The following RPTOR variants were observed in gnomAD, a reference collection of about 807,000 sequenced individuals.
RPTOR encodes the protein regulatory associated protein of MTOR complex 1, also known as regulatory-associated protein of mTOR.
A neutral mutation model predicts 169.9 loss-of-function variants in RPTOR; 21 were observed. The ratio of observed to expected loss-of-function variants is 0.12; its 90% CI spans 0.09 to 0.18. The LOEUF is 0.18. Ranked by LOEUF, RPTOR falls within the 10% of genes least tolerant of loss-of-function variation. The pLI, the probability that RPTOR is intolerant of heterozygous loss-of-function variation, is 1.00. For missense variants in RPTOR, 1,133 were observed against 1,855.9 expected, an observed-to-expected ratio of 0.61 and a Z score of 7.16; for synonymous variants, 732 against 753.2, an observed-to-expected ratio of 0.97 and a Z score of 0.46.
intron 31 of RPTOR, chr17:80,961,742 G>C: frequency 2.2e-6 from 1 of 445,360 alleles, no homozygotes; most frequent in Non-Finnish European, 4.0e-6. Context: ...GGTTCCGGGG[G>C]GAGTTGGGCA....
chr17:80,955,775 TGAAATGGCCTTCCCTGGG>T (rs2144084048), intron 28 of RPTOR, among the ~76,000 whole-genome samples: 1 of 152,006 alleles, frequency 6.6e-6, no homozygotes, highest in South Asian at 2.1e-4. Context: ...ATTTGGGGAA[TGAAATGGCCTTCCCTGGG>T]GAGATCAGAG....
intron 7 of RPTOR, among the ~76,000 whole-genome samples, chr17:80,810,072 T>TAAATAAATAAATAAAG (rs2067258378): frequency 6.6e-6 from 1 of 151,222 alleles, no homozygotes; most frequent in Admixed American, 6.6e-5. Flanking sequence ...AATAAATAAA[T>TAAATAAATAAATAAAG]AAATAAATAA....
chr17:80,662,039 A>C (rs1299114253), intron 3 of RPTOR, among the ~76,000 whole-genome samples: 1 of 152,162 alleles, frequency 6.6e-6, no homozygotes, highest in African/African-American at 2.4e-5. Context: ...ACTTTTTTCC[A>C]GGCGATTTTT....
At chr17:80,874,571 G>T (rs2068085961) in intron 13 of RPTOR, among the ~76,000 whole-genome samples, 1 of 152,112 alleles carries the variant, frequency 6.6e-6, no homozygotes, top group Non-Finnish European at 1.5e-5. Flanking sequence ...CTGTGCCTGG[G>T]GGTGAAGGTC....
At chr17:80,786,375 A>G (rs1031493574) in intron 6 of RPTOR, among the ~76,000 whole-genome samples, 2 of 152,246 alleles carry the variant, frequency 1.3e-5, no homozygotes, top group Non-Finnish European at 2.9e-5. Context: ...TTCATTCTCA[A>G]AAATGAAAAC....
chr17:80,798,693 G>A (rs2067125486), intron 7 of RPTOR, among the ~76,000 whole-genome samples: 1 of 152,154 alleles, frequency 6.6e-6, no homozygotes, highest in Non-Finnish European at 1.5e-5. Context: ...CCACAGGGCT[G>A]AGCCAAGGGG....
intron 1 of RPTOR, among the ~76,000 whole-genome samples, chr17:80,586,807 A>AT (rs1278335085): frequency 6.6e-6 from 1 of 152,150 alleles, no homozygotes; most frequent in African/African-American, 2.4e-5. Flanking sequence ...CAAACGTCTG[A>AT]TTTTTCCTCT....
intron 3 of RPTOR, among the ~76,000 whole-genome samples, chr17:80,644,307 GTTTTTT>G (rs3046923): frequency 5.5e-5 from 6 of 109,170 alleles, no homozygotes; most frequent in South Asian, 3.3e-4. Context: ...TAGTGTGTGG[GTTTTTT>G]TTTTTTTTTT....
intron 21 of RPTOR, among the ~76,000 whole-genome samples, chr17:80,922,216 C>T (rs901289442): frequency 1.9e-4 from 29 of 152,340 alleles, no homozygotes; most frequent in Admixed American, 1.8e-3. Context: ...CCACATCGCC[C>T]GGCTCCGGAA....
chr17:80,771,959 A>G (rs9989446), intron 6 of RPTOR, among the ~76,000 whole-genome samples: 41,567 of 152,130 alleles, frequency 0.27, 5,862 homozygotes, highest in African/African-American at 0.33. Flanking sequence ...AACTGGGTCT[A>G]TAGGTGCACA....
At chr17:80,876,165 G>A (rs1445627570) in intron 13 of RPTOR, among the ~76,000 whole-genome samples, 3 of 118,078 alleles carry the variant, frequency 2.5e-5, no homozygotes, top group African/African-American at 3.7e-5. Context: ...CACCGAGCCC[G>A]TGCCACGCAG....
intron 3 of RPTOR, among the ~76,000 whole-genome samples, chr17:80,656,830 C>T (rs903991271): frequency 6.6e-6 from 1 of 152,196 alleles, no homozygotes; most frequent in African/African-American, 2.4e-5. Context: ...CTCTAGTTGA[C>T]AGAGCTGTTT....
intron 7 of RPTOR, among the ~76,000 whole-genome samples, chr17:80,797,105 G>A (rs550807119): frequency 6.6e-6 from 1 of 152,204 alleles, no homozygotes; most frequent in East Asian, 1.9e-4. Flanking sequence ...CATAAGAAAA[G>A]TTTTTTGTTT....
chr17:80,822,113 GC>G lies in RPTOR; in HGVS notation c.891-85del, dbSNP rs2067385823. 6 of 1,238,452 alleles carry G rather than the reference GC, an allele frequency of 4.8e-6. No individual in the cohort carries two copies. In the South Asian group the frequency reaches 7.2e-5, roughly 15 times the overall value. 76.7% of individuals were successfully genotyped at this position (1,238,452 alleles called of 1,614,324 possible). ...CCTCCCTCGCTCAGAGCCTTTCGCC[GC>G]CCGCGCCCTTTTTTCTTGCAACCTC... On this transcript the variant is annotated intron_variant, in intron 7 of 33. Transcript: ENST00000306801.
rs188703793 is a variant in RPTOR, at chr17:80,854,524, A to G, written c.1315-940A>G. Among the ~76,000 whole-genome samples, 14 of 152,298 alleles carry G rather than the reference A, an allele frequency of 9.2e-5. No individual in the cohort carries two copies. The East Asian group carries it at 2.5e-3, about 27-fold the overall frequency. The stretch of plus-strand genomic sequence containing the variant: ...CCGACCTTACCTTTTTAATACTCAC[A>G]TTTATCTTAGTGGAAAAGAATCATG... On this transcript the variant is annotated intron_variant, in intron 11 of 33. Coordinates refer to ENST00000306801, the MANE Select transcript of RPTOR (RefSeq NM_020761.3).
chr17:80,715,269 A>G (rs1024518432), intron 4 of RPTOR, among the ~76,000 whole-genome samples: 4 of 152,238 alleles, frequency 2.6e-5, no homozygotes, highest in African/African-American at 4.8e-5. Flanking sequence ...ATATCCCCAC[A>G]TATCCTATAA....
intron 5 of RPTOR, among the ~76,000 whole-genome samples, chr17:80,742,519 C>CA (rs2066491675): frequency 6.6e-6 from 1 of 151,850 alleles, no homozygotes; most frequent in African/African-American, 2.4e-5. Flanking sequence ...ACATAGACAA[C>CA]ACATGCACAC....
intron 20 of RPTOR, among the ~76,000 whole-genome samples, chr17:80,907,859 T>A (rs1267446702): frequency 1.3e-5 from 2 of 152,202 alleles, no homozygotes; most frequent in Non-Finnish European, 2.9e-5. Context: ...CCTTCGTGCC[T>A]CTTCCACCAG....
chr17:80,772,303 A>G (rs1418754016), intron 6 of RPTOR, among the ~76,000 whole-genome samples: 1 of 151,912 alleles, frequency 6.6e-6, no homozygotes, highest in Non-Finnish European at 1.5e-5. Flanking sequence ...AATACTAGCA[A>G]TTTTTCAGAA....
Sources: allele counts gnomAD v4.1 joint callset (sites outside exome capture counted in the v4.1 genomes callset), GRCh38; gene constraint gnomAD v4.1.1; transcripts MANE v1.5; gene names NCBI Gene and HGNC (gene_info 2026-07-23, HGNC 2026-07-21).